Variants in ARMH3 observed in about 807,000 individuals in gnomAD.
The protein encoded by ARMH3 is armadillo-like helical domain-containing protein 3.
ARMH3 carries 60 observed loss-of-function variants against 99.1 expected under a neutral mutation model. That is an observed-to-expected ratio of 0.61 (90% CI 0.49 to 0.75). The LOEUF is 0.75. Ranked by LOEUF, ARMH3 falls within the 30% of genes least tolerant of loss-of-function variation. The pLI is 0.00. For missense variants in ARMH3, 679 were observed against 843.1 expected, an observed-to-expected ratio of 0.81 and a Z score of 2.41; for synonymous variants, 285 against 292.8, an observed-to-expected ratio of 0.97 and a Z score of 0.27.
At chr10:101,881,311 T>C (rs1468606679) in intron 24 of ARMH3, among the ~76,000 whole-genome samples, 2 of 152,030 alleles carry the variant, frequency 1.3e-5, no homozygotes, top group Admixed American at 1.3e-4. Flanking sequence ...TGTAGAGAGA[T>C]TTTTAGCAAG....
intron 1 of ARMH3, 122 bp from the exon 2 acceptor site, chr10:102,040,247 T>C: frequency 1.3e-6 from 1 of 790,028 alleles, no homozygotes; most frequent in Non-Finnish European, 2.1e-6. Flanking sequence ...TGAATCCTAA[T>C]GTAAACTGTG....
intron 23 of ARMH3, among the ~76,000 whole-genome samples, chr10:101,909,039 AG>A (rs944758121): frequency 6.6e-6 from 1 of 152,164 alleles, no homozygotes; most frequent in Non-Finnish European, 1.5e-5. Context: ...TAAATTTAAA[AG>A]TGAAGGCACA....
intron 23 of ARMH3, among the ~76,000 whole-genome samples, chr10:101,913,859 G>A (rs1438270138): frequency 1.3e-5 from 2 of 152,154 alleles, no homozygotes; most frequent in Non-Finnish European, 2.9e-5. Context: ...TCATCTCCTG[G>A]AGCTTTTCAA....
chr10:101,887,400 A>T (rs2067573890), intron 24 of ARMH3, among the ~76,000 whole-genome samples: 1 of 151,624 alleles, frequency 6.6e-6, no homozygotes, highest in Non-Finnish European at 1.5e-5. Flanking sequence ...TAATAATGAT[A>T]ATTATTATTA....
At chr10:101,918,056 GTT>G (rs1245189061) in intron 23 of ARMH3, among the ~76,000 whole-genome samples, 5 of 152,026 alleles carry the variant, frequency 3.3e-5, no homozygotes, top group African/African-American at 1.2e-4. Flanking sequence ...TTGTTTGTTT[GTT>G]TGTTTTTTTA....
intron 15 of ARMH3, 76 bp from the exon 16 acceptor site, chr10:101,995,431 T>G (rs557783197): frequency 8.1e-7 from 1 of 1,234,178 alleles, no homozygotes; most frequent in Non-Finnish European, 1.2e-6. Context: ...AACAAGGACG[T>G]ATATCATAAA....
intron 20 of ARMH3, among the ~76,000 whole-genome samples, chr10:101,965,500 A>G (rs1382808718): frequency 1.3e-5 from 2 of 152,250 alleles, no homozygotes. Context: ...ACCAAAGTTC[A>G]CCATCCAAAC....
At chr10:102,006,409 G>C in intron 14 of ARMH3, 131 bp downstream of exon 14, 1 of 899,246 alleles carries the variant, frequency 1.1e-6, no homozygotes, top group Non-Finnish European at 1.7e-6. Flanking sequence ...GAGGCCTGAA[G>C]GATAGTACTA....
intron 15 of ARMH3, 21 bp from the exon 16 acceptor site, chr10:101,995,376 CTT>C (rs767288233): frequency 1.2e-6 from 2 of 1,601,864 alleles, no homozygotes; most frequent in East Asian, 2.2e-5. Context: ...AAAAGAAACT[CTT>C]CTCTGTAAAT....
At chr10:101,904,720 G>A (rs1373229261) in intron 23 of ARMH3, among the ~76,000 whole-genome samples, 1 of 151,818 alleles carries the variant, frequency 6.6e-6, no homozygotes, top group Admixed American at 6.6e-5. Context: ...TTGGGAGGCC[G>A]AGGCAGGCAG....
intron 1 of ARMH3, among the ~76,000 whole-genome samples, chr10:102,040,754 T>C (rs1248496709): frequency 6.6e-6 from 1 of 152,116 alleles, no homozygotes; most frequent in South Asian, 2.1e-4. Context: ...TTGAGGTTGA[T>C]GGAAGGAAGG....
intron 1 of ARMH3, among the ~76,000 whole-genome samples, chr10:102,049,815 C>A (rs988116121): frequency 6.6e-6 from 1 of 151,946 alleles, no homozygotes; most frequent in Non-Finnish European, 1.5e-5. Flanking sequence ...CCTAGGCCCC[C>A]CAAAGTGCTA....
chr10:101,963,985 T>TGAG (rs1487013689), intron 20 of ARMH3, among the ~76,000 whole-genome samples: 7 of 151,518 alleles, frequency 4.6e-5, no homozygotes, highest in African/African-American at 1.5e-4. Flanking sequence ...CACGCCATTC[T>TGAG]CCTGCCTCAG....
intron 9 of ARMH3, among the ~76,000 whole-genome samples, 181 bp downstream of exon 9, chr10:102,013,787 T>G (rs2066681864): frequency 6.6e-6 from 1 of 152,226 alleles, no homozygotes; most frequent in South Asian, 2.1e-4. Context: ...TCCATGATAA[T>G]AAGTCAGAAG....
chr10:102,003,778 G>A, intron 14 of ARMH3, among the ~76,000 whole-genome samples: 1 of 152,186 alleles, frequency 6.6e-6, no homozygotes, highest in East Asian at 1.9e-4. Flanking sequence ...TAAACAGCAA[G>A]CACAACAAAA....
intron 23 of ARMH3, among the ~76,000 whole-genome samples, chr10:101,908,412 T>C (rs1281841252): frequency 6.6e-6 from 1 of 152,238 alleles, no homozygotes; most frequent in Non-Finnish European, 1.5e-5. Context: ...TGAGCACTAC[T>C]AACATTTGGG....
intron 23 of ARMH3, among the ~76,000 whole-genome samples, chr10:101,931,765 G>A (rs1305883872): frequency 6.6e-6 from 1 of 152,010 alleles, no homozygotes; most frequent in Non-Finnish European, 1.5e-5. Context: ...AAACAAAAAA[G>A]GATCAAGGAC....
intron 23 of ARMH3, among the ~76,000 whole-genome samples, chr10:101,910,959 G>T (rs1015265087): frequency 1.3e-5 from 2 of 152,010 alleles, no homozygotes; most frequent in Admixed American, 1.3e-4. Flanking sequence ...GGCCAACATG[G>T]TGAAACCCCA....
At chr10:102,017,297 C>T (rs2066770773) in intron 8 of ARMH3, among the ~76,000 whole-genome samples, 1 of 152,194 alleles carries the variant, frequency 6.6e-6, no homozygotes, top group Non-Finnish European at 1.5e-5. Flanking sequence ...AGCTGCAAAG[C>T]CCAGATAAAT....
Sources: gnomAD v4.1 joint callset for allele counts (sites outside exome capture counted in the v4.1 genomes callset) on GRCh38, gnomAD v4.1.1 for gene constraint, MANE v1.5 for transcripts, NCBI Gene and HGNC (gene_info 2026-07-23, HGNC 2026-07-21) for gene names.